The following NCKAP5 variants were observed in gnomAD, a reference collection of about 807,000 sequenced individuals.
NCKAP5 encodes the protein NCK associated protein 5, also known as nck-associated protein 5.
A neutral mutation model predicts 167.0 loss-of-function variants in NCKAP5; 92 were observed. That is an observed-to-expected ratio of 0.55 (90% CI 0.47 to 0.66). The LOEUF (loss-of-function observed/expected upper bound fraction) is 0.66. Ranked by LOEUF, NCKAP5 falls within the 30% of genes least tolerant of loss-of-function variation. NCKAP5 has a pLI of 0.00. For missense variants in NCKAP5, 2,378 were observed against 2,315.0 expected, an observed-to-expected ratio of 1.03 and a Z score of -0.56; for synonymous variants, 891 against 877.4, an observed-to-expected ratio of 1.02 and a Z score of -0.27.
At chr2:133,622,826 A>G in the NCKAP5 span, among the ~76,000 whole-genome samples, 2 of 152,174 alleles carry the variant, frequency 1.3e-5, no homozygotes, top group East Asian at 3.8e-4. Context: ...TGGAATCAAA[A>G]AAGAGCCCAC....
intron 5 of NCKAP5, among the ~76,000 whole-genome samples, chr2:133,141,101 A>C (rs2082979037): frequency 6.6e-6 from 1 of 152,070 alleles, no homozygotes; most frequent in African/African-American, 2.4e-5. Context: ...TTTAGTCTTA[A>C]TCCTGACTGA....
chr2:132,782,577 G>A lies in NCKAP5; in HGVS notation c.4234C>T (p.Arg1412Cys), dbSNP rs560255831. Residue 1412 changes from arginine to cysteine, a missense_variant, in exon 14 of 20, where the codon CGC (arginine) becomes TGC (cysteine). Coordinates refer to ENST00000409261, the MANE Select transcript of NCKAP5 (RefSeq NM_207363.3). ...TCTGTTGGGGTGGGTGGGCAACTGC[G>A]GCGGTCACTGCCTGGTTCCCCAAGT... ...AVLGEPGSDR[R>C]SCPPTPTDCP... 8.8e-6 allele frequency: 14 copies of A among 1,583,348 alleles called. No individual in the cohort carries two copies. Among genetic ancestry groups the A allele is most frequent in the South Asian group, 4.7e-5 (4 of 84,544 alleles).
At chr2:133,319,973 G>C (rs1442417355) in intron 3 of NCKAP5, among the ~76,000 whole-genome samples, 1 of 152,102 alleles carries the variant, frequency 6.6e-6, no homozygotes, top group Non-Finnish European at 1.5e-5. Flanking sequence ...GTAAACTGCA[G>C]GTGAATCTAA....
At chr2:133,413,241 G>A (rs1463388772) in intron 3 of NCKAP5, among the ~76,000 whole-genome samples, 1 of 152,216 alleles carries the variant, frequency 6.6e-6, no homozygotes, top group Non-Finnish European at 1.5e-5. Context: ...CAGGAAGGAA[G>A]TATTAGGAGA....
At chr2:132,813,574 C>T (rs968923832) in intron 11 of NCKAP5, among the ~76,000 whole-genome samples, 6 of 152,106 alleles carry the variant, frequency 3.9e-5, no homozygotes, top group Non-Finnish European at 8.8e-5. Context: ...TCCAGTGATC[C>T]GTAATTGCTA....
At chr2:132,932,505 A>C (rs1696464751) in intron 8 of NCKAP5, among the ~76,000 whole-genome samples, 1 of 152,202 alleles carries the variant, frequency 6.6e-6, no homozygotes, top group African/African-American at 2.4e-5. Flanking sequence ...TAAAGGCCAA[A>C]GTCCAAACAA....
At chr2:133,631,724 G>A in the NCKAP5 span, among the ~76,000 whole-genome samples, 1 of 152,282 alleles carries the variant, frequency 6.6e-6, no homozygotes, top group Admixed American at 6.5e-5. Context: ...CTCATGGCCA[G>A]GTAGACTAGT....
intron 6 of NCKAP5, among the ~76,000 whole-genome samples, chr2:132,994,810 A>C (rs951058422): frequency 1.3e-5 from 2 of 152,246 alleles, no homozygotes; most frequent in Non-Finnish European, 2.9e-5. Context: ...GAGTGTACTT[A>C]TATAAACCCA....
intron 11 of NCKAP5, among the ~76,000 whole-genome samples, chr2:132,835,980 T>G (rs1415521943): frequency 6.6e-6 from 1 of 152,210 alleles, no homozygotes; most frequent in East Asian, 1.9e-4. Flanking sequence ...ATACTTGGAT[T>G]ATTTCATTCT....
the NCKAP5 span, among the ~76,000 whole-genome samples, chr2:133,584,467 T>TA: frequency 1.3e-5 from 2 of 151,894 alleles, no homozygotes; most frequent in Non-Finnish European, 2.9e-5. Flanking sequence ...TACTTTTTTT[T>TA]AAAAAATGAG....
At chr2:133,451,983 AGAG>A (rs1401712183) in intron 3 of NCKAP5, among the ~76,000 whole-genome samples, 1 of 152,206 alleles carries the variant, frequency 6.6e-6, no homozygotes, top group African/African-American at 2.4e-5. Context: ...AAGAAAATTT[AGAG>A]GAGGAGAAAC....
At chr2:132,791,452 CT>C (rs1249757881) in intron 12 of NCKAP5, among the ~76,000 whole-genome samples, 1 of 152,224 alleles carries the variant, frequency 6.6e-6, no homozygotes. Flanking sequence ...CCAAACACAT[CT>C]TGACAGCCAC....
chr2:132,894,583 A>T (rs777471588), intron 8 of NCKAP5, among the ~76,000 whole-genome samples: 13 of 152,094 alleles, frequency 8.5e-5, no homozygotes, highest in Non-Finnish European at 1.8e-4. Context: ...TTGTTCAGGG[A>T]TGCTGACTGC....
At chr2:132,878,101 G>A (rs909916792) in intron 9 of NCKAP5, among the ~76,000 whole-genome samples, 1 of 152,216 alleles carries the variant, frequency 6.6e-6, no homozygotes, top group African/African-American at 2.4e-5. Context: ...GGCAGGGAGA[G>A]ACAGGATGCG....
At chr2:132,897,505 G>A (rs866080438) in intron 8 of NCKAP5, among the ~76,000 whole-genome samples, 2 of 152,290 alleles carry the variant, frequency 1.3e-5, no homozygotes, top group Middle Eastern at 3.4e-3. Context: ...CTCAACCGCA[G>A]CACTATTGAC....
At chr2:132,771,329 A>G (rs1165447267) in intron 16 of NCKAP5, among the ~76,000 whole-genome samples, 1 of 152,230 alleles carries the variant, frequency 6.6e-6, no homozygotes, top group Non-Finnish European at 1.5e-5. Flanking sequence ...AAAATTTTTA[A>G]TAGAAAAATC....
At chr2:133,187,240 T>C (rs973111370) in intron 5 of NCKAP5, among the ~76,000 whole-genome samples, 1 of 152,014 alleles carries the variant, frequency 6.6e-6, no homozygotes, top group African/African-American at 2.4e-5. Context: ...TAGGTTAATT[T>C]CCAGGCTTTT....
chr2:133,088,942 TA>T (rs2149625102), intron 6 of NCKAP5, among the ~76,000 whole-genome samples: 2 of 152,128 alleles, frequency 1.3e-5, no homozygotes, highest in East Asian at 3.9e-4. Context: ...GACACTAAAA[TA>T]AAAACTAATA....
At chr2:132,764,201 A>T (rs1336910270) in intron 16 of NCKAP5, among the ~76,000 whole-genome samples, 1 of 152,230 alleles carries the variant, frequency 6.6e-6, no homozygotes, top group African/African-American at 2.4e-5. Flanking sequence ...CAGTAAAACC[A>T]GAGAACCAGC....
Sources: gnomAD v4.1 joint callset for allele counts (sites outside exome capture counted in the v4.1 genomes callset) on GRCh38, gnomAD v4.1.1 for gene constraint, MANE v1.5 for transcripts, NCBI Gene and HGNC (gene_info 2026-07-23, HGNC 2026-07-21) for gene names.